Variants in ZBTB7C observed in about 807,000 individuals in gnomAD.
ZBTB7C encodes zinc finger and BTB domain containing 7C.
Under a neutral mutation model 25.7 loss-of-function variants are expected in ZBTB7C, and 8 were observed. The ratio of observed to expected loss-of-function variants is 0.31; its 90% CI spans 0.18 to 0.56. The LOEUF is 0.56. Ranked by LOEUF, ZBTB7C falls within the 20% of genes least tolerant of loss-of-function variation. The pLI, the probability that ZBTB7C is intolerant of heterozygous loss-of-function variation, is 0.91. For missense variants in ZBTB7C, 824 were observed against 855.2 expected (o/e 0.96, Z 0.46); for synonymous variants, 394 against 369.0 (o/e 1.07, Z -0.78).
chr18:48,137,505 A>G (rs989523646), intron 3 of ZBTB7C: 2 of 190,484 alleles, frequency 1.0e-5, no homozygotes, highest in Non-Finnish European at 1.9e-5. Flanking sequence ...GTTTTATTCA[A>G]TTCAGCGTGT....
chr18:48,111,130 T>C (rs1358547508), intron 3 of ZBTB7C, among the ~76,000 whole-genome samples: 1 of 152,158 alleles, frequency 6.6e-6, no homozygotes, highest in African/African-American at 2.4e-5. Flanking sequence ...TCCCAATTTG[T>C]GCCCTGACCC....
At chr18:48,178,266 G>T (rs950283280) in intron 3 of ZBTB7C, among the ~76,000 whole-genome samples, 1 of 152,182 alleles carries the variant, frequency 6.6e-6, no homozygotes, top group East Asian at 1.9e-4. Flanking sequence ...TTTGGTACTT[G>T]TCTGCACGGG....
intron 3 of ZBTB7C, among the ~76,000 whole-genome samples, chr18:48,091,570 T>A (rs1191076690): frequency 1.3e-5 from 2 of 152,156 alleles, no homozygotes; most frequent in Non-Finnish European, 2.9e-5. Flanking sequence ...TGTAAGCATT[T>A]CCAGGGTGGG....
At chr18:48,053,516 T>C (rs4940217) in intron 3 of ZBTB7C, among the ~76,000 whole-genome samples, 77,614 of 152,014 alleles carry the variant, frequency 0.51, 20,220 homozygotes, top group East Asian at 0.58. Flanking sequence ...TTTATATTTA[T>C]ATTTGCATTT....
At chr18:48,078,868 T>C (rs2037873625) in intron 3 of ZBTB7C, among the ~76,000 whole-genome samples, 2 of 152,254 alleles carry the variant, frequency 1.3e-5, no homozygotes, top group Non-Finnish European at 2.9e-5. Context: ...TGTTGTAGCA[T>C]GTATTAGTGC....
rs188361162 is a variant in ZBTB7C, at chr18:48,112,898, G to T, written c.-16-71775C>A. 3.4e-3 allele frequency among the ~76,000 whole-genome samples: 520 copies of T among 152,232 alleles called. 2 individuals are homozygous for T. The highest frequency in any genetic ancestry group is 4.6e-3 in the Non-Finnish European group (316 of 68,018). On this transcript the variant is annotated intron_variant, in intron 3 of 4. Transcript: ENST00000590800. ...TGAAATGAGTATTTCAGTGATAAAGGGTTTAAATTCAATAACTGTGTGGTC... is the reference window on the plus strand; with the variant it reads ...TGAAATGAGTATTTCAGTGATAAAGTGTTTAAATTCAATAACTGTGTGGTC...
chr18:48,085,875 G>A (rs143998397), intron 3 of ZBTB7C, among the ~76,000 whole-genome samples: 18 of 152,240 alleles, frequency 1.2e-4, no homozygotes, highest in African/African-American at 4.1e-4. Flanking sequence ...AGTGACTGTG[G>A]CTCTGGTGGG....
At chr18:48,408,411 A>C (rs1274223878) in intron 1 of ZBTB7C, 2 of 152,202 alleles carry the variant, frequency 1.3e-5, no homozygotes, top group African/African-American at 4.8e-5. Flanking sequence ...CAGACCTCGC[A>C]CTACCCCGCG....
chr18:48,181,708 C>A (rs539710678), intron 3 of ZBTB7C, among the ~76,000 whole-genome samples: 1 of 152,208 alleles, frequency 6.6e-6, no homozygotes, highest in Admixed American at 6.5e-5. Flanking sequence ...CCAGTCACCC[C>A]CTTACTCCCA....
At chr18:48,155,672 T>C (rs766654778) in intron 3 of ZBTB7C, among the ~76,000 whole-genome samples, 43 of 152,094 alleles carry the variant, frequency 2.8e-4, no homozygotes, top group Admixed American at 5.2e-4. Context: ...AGGGTTTTAT[T>C]TCTTTGAAAT....
chr18:48,389,595 T>A (rs2047851320), intron 1 of ZBTB7C, among the ~76,000 whole-genome samples: 2 of 151,612 alleles, frequency 1.3e-5, no homozygotes, highest in South Asian at 4.2e-4. Flanking sequence ...TCTTGGGTGT[T>A]CCCCAGGGTA....
chr18:48,161,232 G>A (rs998303908), intron 3 of ZBTB7C, among the ~76,000 whole-genome samples: 3 of 152,032 alleles, frequency 2.0e-5, no homozygotes, highest in African/African-American at 4.8e-5. Context: ...CTGGGGGACG[G>A]GGGCAGGGAA....
At chr18:48,038,507 C>T (rs894244610) in intron 4 of ZBTB7C, among the ~76,000 whole-genome samples, 1 of 151,624 alleles carries the variant, frequency 6.6e-6, no homozygotes, top group African/African-American at 2.4e-5. Flanking sequence ...AGTTTCCAAG[C>T]AACCCAGAAG....
intron 2 of ZBTB7C, among the ~76,000 whole-genome samples, chr18:48,241,464 C>T (rs1027809625): frequency 2.0e-5 from 3 of 152,118 alleles, no homozygotes; most frequent in Non-Finnish European, 2.9e-5. Context: ...CCATAAAACA[C>T]GTCTCAATAA....
chr18:48,193,435 T>G (rs1349566995), intron 2 of ZBTB7C, among the ~76,000 whole-genome samples: 1 of 152,136 alleles, frequency 6.6e-6, no homozygotes, highest in Non-Finnish European at 1.5e-5. Flanking sequence ...GGTATTGAAT[T>G]AAATAGTAAT....
At position 48,407,645 on chromosome 18, in the gene ZBTB7C, G is replaced by A. The variant is rs1309489589; in HGVS notation, c.-304+1581C>T. ...TGTAGCAGGTCACTTTCCTTCCTTG[G>A]GCCTGAGTTTGCTCATCTGTAAAAT... On this transcript the variant is annotated intron_variant, in intron 1 of 4. Coordinates refer to ENST00000590800, the MANE Select transcript of ZBTB7C (RefSeq NM_001318841.2). 3.3e-5 allele frequency among the ~76,000 whole-genome samples: 5 copies of A among 152,084 alleles called. No homozygotes were observed. In the East Asian group the frequency reaches 9.6e-4, roughly 29 times the overall value.
chr18:48,030,935 A>T (rs1355285739), intron 4 of ZBTB7C, among the ~76,000 whole-genome samples: 1 of 152,216 alleles, frequency 6.6e-6, no homozygotes, highest in African/African-American at 2.4e-5. Flanking sequence ...GGCTGCAAGA[A>T]TTCCTCTTGG....
chr18:48,089,549 C>T (rs549651798), intron 3 of ZBTB7C, among the ~76,000 whole-genome samples: 5 of 151,992 alleles, frequency 3.3e-5, no homozygotes, highest in African/African-American at 9.7e-5. Flanking sequence ...CCCAACTCCC[C>T]GGGCGATTCT....
At chr18:48,239,820 C>T (rs1186467794) in intron 2 of ZBTB7C, among the ~76,000 whole-genome samples, 1 of 152,080 alleles carries the variant, frequency 6.6e-6, no homozygotes, top group African/African-American at 2.4e-5. Flanking sequence ...TTAACATCCC[C>T]AAAATATCAC....
Sources: gnomAD v4.1 joint callset for allele counts (sites outside exome capture counted in the v4.1 genomes callset) on GRCh38, gnomAD v4.1.1 for gene constraint, MANE v1.5 for transcripts, NCBI Gene and HGNC (gene_info 2026-07-23, HGNC 2026-07-21) for gene names.